Variants in RSRC1 observed in about 807,000 individuals in gnomAD.
RSRC1 encodes arginine and serine rich coiled-coil 1.
In RSRC1, 39 loss-of-function variants were observed where a neutral mutation model predicts 49.1. That is an observed-to-expected ratio of 0.79 (90% CI 0.61 to 1.04). RSRC1 has a LOEUF of 1.04. Ranked by LOEUF, RSRC1 falls within the 50% of genes least tolerant of loss-of-function variation. RSRC1 has a pLI of 0.00. For missense variants in RSRC1, 388 were observed against 402.4 expected, an observed-to-expected ratio of 0.96 and a Z score of 0.31; for synonymous variants, 143 against 130.8, an observed-to-expected ratio of 1.09 and a Z score of -0.63.
At chr3:158,124,751 T>G (rs116037204) in intron 3 of RSRC1, among the ~76,000 whole-genome samples, 3,650 of 152,194 alleles carry the variant, frequency 0.024, 155 homozygotes, top group African/African-American at 0.084. Context: ...TGGCATCAAC[T>G]GTAATGTCTG....
At chr3:158,118,456 T>TGCGC (rs1332462881) in intron 1 of RSRC1, among the ~76,000 whole-genome samples, 1 of 132,262 alleles carries the variant, frequency 7.6e-6, no homozygotes, top group Admixed American at 7.5e-5. Flanking sequence ...TGTGTGTGTG[T>TGCGC]GTGTGTGCGC....
At chr3:158,217,970 C>G (rs142344368) in intron 4 of RSRC1, among the ~76,000 whole-genome samples, 3 of 151,210 alleles carry the variant, frequency 2.0e-5, no homozygotes, top group Non-Finnish European at 4.4e-5. Context: ...AAGAAAATTA[C>G]AGAGAGAGGA....
intron 4 of RSRC1, among the ~76,000 whole-genome samples, chr3:158,221,277 T>C (rs1722209302): frequency 1.3e-5 from 2 of 151,536 alleles, no homozygotes; most frequent in South Asian, 4.1e-4. Context: ...TAATGCAGTT[T>C]ATTGAATTTA....
intron 4 of RSRC1, among the ~76,000 whole-genome samples, chr3:158,274,127 TAA>T (rs993037291): frequency 2.0e-5 from 3 of 152,190 alleles, no homozygotes; most frequent in African/African-American, 7.2e-5. Context: ...CTTTAATAGA[TAA>T]AGAGTATCCA....
At chr3:158,255,942 C>G (rs938892767) in intron 4 of RSRC1, among the ~76,000 whole-genome samples, 1 of 152,178 alleles carries the variant, frequency 6.6e-6, no homozygotes, top group African/African-American at 2.4e-5. Flanking sequence ...AGTTGCTTAT[C>G]AGCTTGAGGA....
intron 3 of RSRC1, among the ~76,000 whole-genome samples, chr3:158,179,866 T>C (rs2108250413): frequency 6.6e-6 from 1 of 152,340 alleles, no homozygotes; most frequent in South Asian, 2.1e-4. Context: ...CTATATGAGC[T>C]ATCCAGTTTC....
intron 6 of RSRC1, among the ~76,000 whole-genome samples, chr3:158,427,190 AC>A (rs61537580): frequency 0.061 from 9,303 of 151,752 alleles, 392 homozygotes; most frequent in Middle Eastern, 0.13. Flanking sequence ...TAGCCAACCA[AC>A]CAAAAAAAAA....
intron 4 of RSRC1, among the ~76,000 whole-genome samples, chr3:158,296,003 A>C (rs1386159799): frequency 2.0e-5 from 3 of 152,088 alleles, no homozygotes; most frequent in African/African-American, 7.2e-5. Flanking sequence ...ATGCTGCATC[A>C]GACCCTGCTG....
intron 6 of RSRC1, among the ~76,000 whole-genome samples, chr3:158,369,393 C>T (rs1420371410): frequency 6.6e-6 from 1 of 151,946 alleles, no homozygotes; most frequent in Non-Finnish European, 1.5e-5. Flanking sequence ...AATACTTTCC[C>T]AGGTCTGATC....
chr3:158,171,327 T>A (rs1403327472), intron 3 of RSRC1, among the ~76,000 whole-genome samples: 2 of 152,120 alleles, frequency 1.3e-5, no homozygotes, highest in African/African-American at 4.8e-5. Flanking sequence ...GTCCACTATA[T>A]AATCCAAAGG....
At chr3:158,368,931 CAGATA>C (rs1403120159) in intron 6 of RSRC1, among the ~76,000 whole-genome samples, 1 of 151,740 alleles carries the variant, frequency 6.6e-6, no homozygotes, top group African/African-American at 2.4e-5. Context: ...ATTTGGATAT[CAGATA>C]AGTGAAAGAA....
chr3:158,230,925 A>G (rs1360134918), intron 4 of RSRC1, among the ~76,000 whole-genome samples: 2 of 152,130 alleles, frequency 1.3e-5, no homozygotes, highest in Admixed American at 1.3e-4. Flanking sequence ...GATGAGAAGG[A>G]CTGTCACACG....
chr3:158,195,356 T>TC (rs1387563779), intron 3 of RSRC1, among the ~76,000 whole-genome samples: 1 of 151,134 alleles, frequency 6.6e-6, no homozygotes, highest in Non-Finnish European at 1.5e-5. Flanking sequence ...TTTTTTTTTT[T>TC]CTTGTAAATT....
intron 6 of RSRC1, among the ~76,000 whole-genome samples, chr3:158,408,052 G>A (rs1734243901): frequency 6.6e-6 from 1 of 152,110 alleles, no homozygotes; most frequent in Non-Finnish European, 1.5e-5. Context: ...TCTGTAAAAT[G>A]AGGAGATTGT....
At chr3:158,312,761 T>A (rs986781207) in intron 5 of RSRC1, among the ~76,000 whole-genome samples, 1 of 152,106 alleles carries the variant, frequency 6.6e-6, no homozygotes, top group East Asian at 1.9e-4. Context: ...TGCTAACACT[T>A]ATCCCCTAAA....
At chr3:158,208,199 A>G (rs1721454009) in intron 4 of RSRC1, among the ~76,000 whole-genome samples, 1 of 152,124 alleles carries the variant, frequency 6.6e-6, no homozygotes, top group African/African-American at 2.4e-5. Flanking sequence ...TTTCTCCTTT[A>G]AACACTGATA....
chr3:158,425,251 A>T (rs1164544342), intron 6 of RSRC1, among the ~76,000 whole-genome samples: 1 of 152,014 alleles, frequency 6.6e-6, no homozygotes, highest in Non-Finnish European at 1.5e-5. Context: ...ACTGCTTTGA[A>T]TGTGTCCCAG....
intron 6 of RSRC1, among the ~76,000 whole-genome samples, chr3:158,451,257 A>T (rs1353391364): frequency 6.6e-6 from 1 of 152,052 alleles, no homozygotes; most frequent in Admixed American, 6.6e-5. Flanking sequence ...GACATTAAAA[A>T]TAACAAAAAG....
intron 7 of RSRC1, among the ~76,000 whole-genome samples, chr3:158,472,977 C>T (rs1336380736): frequency 6.6e-6 from 1 of 152,134 alleles, no homozygotes; most frequent in African/African-American, 2.4e-5. Flanking sequence ...TCATCTCACA[C>T]CAGTTAGAAT....
Sources: gnomAD v4.1 joint callset for allele counts (sites outside exome capture counted in the v4.1 genomes callset) on GRCh38, gnomAD v4.1.1 for gene constraint, MANE v1.5 for transcripts, NCBI Gene and HGNC (gene_info 2026-07-23, HGNC 2026-07-21) for gene names.